Variants in CDH13 observed in about 807,000 individuals in gnomAD.
The protein encoded by CDH13 is cadherin-13.
CDH13 carries 24 observed loss-of-function variants against 63.8 expected under a neutral mutation model. That is an observed-to-expected ratio of 0.38 (90% CI 0.27 to 0.53). The LOEUF is 0.53. CDH13 is among the 20% of genes least tolerant of loss of function. The pLI is 0.85. For synonymous variants in CDH13, 503 were observed against 355.3 expected (o/e 1.42, Z -4.67); for missense variants, 1,049 against 903.1 (o/e 1.16, Z -2.07).
chr16:82,962,046 C>T (rs757648335), intron 2 of CDH13, among the ~76,000 whole-genome samples: 1 of 152,112 alleles, frequency 6.6e-6, no homozygotes, highest in African/African-American at 2.4e-5. Context: ...GACATGTGGC[C>T]CACTGGAAGA....
chr16:83,535,588 A>G (rs865816596), intron 7 of CDH13, among the ~76,000 whole-genome samples: 2 of 152,166 alleles, frequency 1.3e-5, no homozygotes, highest in Admixed American at 1.3e-4. Flanking sequence ...ACAAGTGCGT[A>G]TTGAGATCTC....
At chr16:82,668,499 A>G (rs1478071233) in intron 1 of CDH13, among the ~76,000 whole-genome samples, 1 of 152,168 alleles carries the variant, frequency 6.6e-6, no homozygotes, top group Non-Finnish European at 1.5e-5. Flanking sequence ...CTCAGGGAAA[A>G]CCATTAGGGC....
intron 1 of CDH13, among the ~76,000 whole-genome samples, chr16:82,691,890 G>A (rs572663778): frequency 8.6e-5 from 13 of 152,014 alleles, no homozygotes; most frequent in Admixed American, 3.3e-4. Flanking sequence ...AGGCTTTACC[G>A]AGACCTCATG....
At chr16:82,981,701 C>T (rs1160778543) in intron 2 of CDH13, among the ~76,000 whole-genome samples, 1 of 152,170 alleles carries the variant, frequency 6.6e-6, no homozygotes, top group Non-Finnish European at 1.5e-5. Context: ...ACCTTTCTTG[C>T]AAGTGCTTTT....
intron 1 of CDH13, among the ~76,000 whole-genome samples, chr16:82,639,139 C>T (rs749458773): frequency 6.6e-6 from 1 of 151,984 alleles, no homozygotes; most frequent in Non-Finnish European, 1.5e-5. Context: ...GCCTTTCCCA[C>T]TCCCCTCATT....
chr16:82,883,139 A>C (rs2040763497), intron 2 of CDH13, among the ~76,000 whole-genome samples: 1 of 152,224 alleles, frequency 6.6e-6, no homozygotes, highest in South Asian at 2.1e-4. Flanking sequence ...AGAAAGCATA[A>C]GAGAAGAGAT....
At chr16:83,069,477 G>A (rs536954217) in intron 3 of CDH13, among the ~76,000 whole-genome samples, 2 of 152,230 alleles carry the variant, frequency 1.3e-5, no homozygotes, top group Admixed American at 1.3e-4. Flanking sequence ...CCCCCCTAAG[G>A]TAGAAATTGT....
At chr16:83,284,520 G>T (rs183117483) in intron 5 of CDH13, among the ~76,000 whole-genome samples, 1 of 152,126 alleles carries the variant, frequency 6.6e-6, no homozygotes, top group Non-Finnish European at 1.5e-5. Flanking sequence ...AAGAGTACAG[G>T]CTACTGTGAA....
intron 6 of CDH13, among the ~76,000 whole-genome samples, chr16:83,394,023 G>A (rs574468471): frequency 2.6e-5 from 4 of 152,118 alleles, no homozygotes; most frequent in Non-Finnish European, 4.4e-5. Context: ...GCCTGTTCTC[G>A]TAAGTGGGAG....
At chr16:83,478,389 T>G (rs1259760628) in intron 6 of CDH13, among the ~76,000 whole-genome samples, 2 of 152,116 alleles carry the variant, frequency 1.3e-5, no homozygotes, top group Non-Finnish European at 2.9e-5. Flanking sequence ...CAGCTCCCAG[T>G]CTGACCACAG....
intron 1 of CDH13, among the ~76,000 whole-genome samples, chr16:82,698,644 G>A (rs1225383987): frequency 6.6e-6 from 1 of 152,194 alleles, no homozygotes; most frequent in Non-Finnish European, 1.5e-5. Context: ...TTTCAAGCCT[G>A]TTCAGCAAGC....
At chr16:83,090,208 G>A (rs760337092) in intron 3 of CDH13, among the ~76,000 whole-genome samples, 4 of 151,852 alleles carry the variant, frequency 2.6e-5, no homozygotes, top group African/African-American at 4.8e-5. Flanking sequence ...AGGCTCTTTC[G>A]TGCCTCCAGC....
intron 1 of CDH13, among the ~76,000 whole-genome samples, chr16:82,845,474 G>T (rs75696290): frequency 6.6e-6 from 1 of 152,170 alleles, no homozygotes; most frequent in East Asian, 1.9e-4. Context: ...GAGATCAGAG[G>T]TTGGCTGAGG....
chr16:83,309,053 C>G (rs888798164), intron 5 of CDH13, among the ~76,000 whole-genome samples: 3 of 152,172 alleles, frequency 2.0e-5, no homozygotes, highest in African/African-American at 4.8e-5. Context: ...GTCCTCAGAA[C>G]CACTCCTTAC....
intron 2 of CDH13, among the ~76,000 whole-genome samples, chr16:83,007,526 C>G (rs78918588): frequency 6.6e-6 from 1 of 152,034 alleles, no homozygotes; most frequent in Non-Finnish European, 1.5e-5. Flanking sequence ...CTAAAAAATA[C>G]CTCGTAAGAA....
intron 3 of CDH13, among the ~76,000 whole-genome samples, chr16:83,083,377 T>C (rs2033384529): frequency 6.6e-6 from 1 of 152,116 alleles, no homozygotes; most frequent in South Asian, 2.1e-4. Context: ...ACAATAAGGA[T>C]AGGAGAGCTA....
intron 1 of CDH13, among the ~76,000 whole-genome samples, chr16:82,857,628 G>C (rs567661973): frequency 2.6e-5 from 4 of 152,280 alleles, no homozygotes; most frequent in African/African-American, 9.6e-5. Flanking sequence ...GCCTTTGAAA[G>C]CAATTGTAAA....
chr16:82,777,057 T>G (rs1375363010), intron 1 of CDH13, among the ~76,000 whole-genome samples: 2 of 152,238 alleles, frequency 1.3e-5, no homozygotes, highest in African/African-American at 4.8e-5. Flanking sequence ...ATGATCCTTC[T>G]GCCTCAGCCT....
chr16:83,777,430 G>A (rs1915199096), intron 11 of CDH13, among the ~76,000 whole-genome samples: 1 of 152,230 alleles, frequency 6.6e-6, no homozygotes, highest in Non-Finnish European at 1.5e-5. Flanking sequence ...AGTCTTGGCA[G>A]AACACCCTGC....
Sources: gnomAD v4.1 joint callset for allele counts (sites outside exome capture counted in the v4.1 genomes callset) on GRCh38, gnomAD v4.1.1 for gene constraint, MANE v1.5 for transcripts, NCBI Gene and HGNC (gene_info 2026-07-23, HGNC 2026-07-21) for gene names.